The following STARD3 variants were observed in gnomAD, a reference collection of about 807,000 sequenced individuals.
STARD3 encodes StAR related lipid transfer domain containing 3.
STARD3 carries 39 observed loss-of-function variants against 62.0 expected under a neutral mutation model. The observed-to-expected ratio is 0.63, with a 90% CI of 0.49 to 0.82. The LOEUF is 0.82. Among genes scored for constraint, STARD3 ranks in the 40% least tolerant of loss-of-function variants. STARD3 has a pLI of 0.00. For missense variants in STARD3, 543 were observed against 584.5 expected (o/e 0.93, Z 0.73); for synonymous variants, 229 against 242.4 (o/e 0.94, Z 0.51).
Position 39,657,208 on chromosome 17 carries a change from C to A in STARD3, c.297+123C>A, listed in dbSNP as rs959439949. On this transcript the variant is annotated intron_variant, in intron 3 of 14. Coordinates refer to ENST00000336308, the MANE Select transcript of STARD3 (RefSeq NM_006804.4). ...GATCAGAGACTCGGCTCCCATCCTT[C>A]GGGAGCCATCAGTCATTAAAACCTT... The A allele has an allele frequency of 1.3e-5, 12 of 935,930 alleles. No homozygotes were observed. In the Admixed American group the frequency reaches 1.5e-4, roughly 11 times the overall value. The allele number at this position is 935,930 out of a possible 1,614,324, so 58.0% of individuals were successfully genotyped here. A position where few individuals can be genotyped will look rare whatever the true frequency, so the allele number is the denominator to read the frequency against.
In STARD3 at chr17:39,658,472, C is replaced by A. The variant is rs1313410093; in HGVS notation, c.497C>A (p.Thr166Asn). Residue 166 changes from threonine (T) to asparagine (N), a missense_variant, in exon 6 of 15, where the codon ACC (threonine) becomes AAC (asparagine). Coordinates refer to ENST00000336308, the MANE Select transcript of STARD3 (RefSeq NM_006804.4). ...IVSFVLAWLE[T>N]WFLDFKVLPQ... Reference sequence around the variant, plus strand: ...TCTTTTGTCCTCGCCTGGTTGGAGACCTGGTTCCTTGACTTCAAAGTCCTA... The same window carrying A: ...TCTTTTGTCCTCGCCTGGTTGGAGAACTGGTTCCTTGACTTCAAAGTCCTA... The A allele has an allele frequency of 1.9e-6, 3 of 1,614,022 alleles. No homozygotes were observed. The highest frequency in any genetic ancestry group is 2.5e-6 in the Non-Finnish European group (3 of 1,180,020).
At chr17:39,647,154 G>A (rs1232051550) in intron 1 of STARD3, among the ~76,000 whole-genome samples, 2 of 151,580 alleles carry the variant, frequency 1.3e-5, no homozygotes, top group Non-Finnish European at 2.9e-5. Context: ...AGCCGAGATC[G>A]TGCCACTGCA....
At chr17:39,645,198 C>A (rs1388333399) in intron 1 of STARD3, among the ~76,000 whole-genome samples, 1 of 152,158 alleles carries the variant, frequency 6.6e-6, no homozygotes, top group Non-Finnish European at 1.5e-5. Context: ...CCTGCACTCC[C>A]CTAAGAGCCT....
intron 1 of STARD3, among the ~76,000 whole-genome samples, chr17:39,649,779 T>C (rs189614820): frequency 6.1e-5 from 9 of 147,302 alleles, no homozygotes; most frequent in South Asian, 2.1e-4. Context: ...GGCAGGAGAA[T>C]CGCTTGAACC....
chr17:39,660,448 T>G lies in STARD3; in HGVS notation c.876T>G (p.Pro292=). The change falls in exon 11 of 15, where the codon CCT becomes CCG. Residue 292 remains proline, a synonymous_variant. Coordinates refer to ENST00000336308, the MANE Select transcript of STARD3 (RefSeq NM_006804.4). The surrounding 1 kb of genome is among the most constrained non-coding windows in gnomAD (Gnocchi z 4.8). ...TGTCCCAGACCTTCCTGCCCTGTCC[T>G]GCGGAGCTCGTGTACCAGGAGGTGA... The part of the protein sequence containing the change: ...TFILKTFLPC[P]AELVYQEVIL... The G allele has an allele frequency of 6.2e-7, 1 of 1,613,884 alleles. No homozygotes were observed. Among genetic ancestry groups the G allele is most frequent in the South Asian group, 1.1e-5 (1 of 91,084 alleles).
At position 39,663,299 on chromosome 17, in the gene STARD3, C is replaced by T. The variant is rs976466793; in HGVS notation, c.*391C>T. ...TGAAGGGGCTCTTCATCTGCCTGCG[C>T]TCTCGTCGGTTTTTTTAGGATTATT... On this transcript the variant is annotated 3_prime_UTR_variant, in exon 15 of 15. Transcript: ENST00000336308. 1 of 390,174 alleles carries T rather than the reference C, an allele frequency of 2.6e-6. No individual in the cohort carries two copies. 24.2% of individuals were successfully genotyped at this position (390,174 alleles called of 1,614,324 possible).
chr17:39,659,454 C>G lies in STARD3; in HGVS notation c.703-7C>G. On this transcript the variant is annotated splice_region_variant and splice_polypyrimidine_tract_variant and intron_variant, in intron 8 of 14. Coordinates refer to ENST00000336308, the MANE Select transcript of STARD3 (RefSeq NM_006804.4). ...CTGACCCCTCCCTGCCTCCTGCTTC[C>G]GTCCAGGAGCGGGAGTACATCCGCC... 2.5e-6 allele frequency: 4 copies of G among 1,613,726 alleles called. No individual in the cohort carries two copies. In the Admixed American group the frequency reaches 5.0e-5, roughly 20 times the overall value.
chr17:39,644,666 T>A (rs2057008715), intron 1 of STARD3, among the ~76,000 whole-genome samples: 1 of 92,534 alleles, frequency 1.1e-5, no homozygotes. Context: ...TGAGACCCTG[T>A]CTCTACAAAA....
chr17:39,658,049 A>G, intron 5 of STARD3, 23 bp downstream of exon 5: 1 of 1,553,304 alleles, frequency 6.4e-7, no homozygotes, highest in Middle Eastern at 1.7e-4. Flanking sequence ...GGGTCTGGCC[A>G]GTCTGGTGGG....
At chr17:39,643,743 G>A (rs545764414) in intron 1 of STARD3, among the ~76,000 whole-genome samples, 4 of 152,320 alleles carry the variant, frequency 2.6e-5, no homozygotes, top group South Asian at 2.1e-4. Flanking sequence ...AAGCCATCTC[G>A]CCAGTCAGTC....
intron 1 of STARD3, chr17:39,652,558 G>T (rs2057088033): frequency 1.3e-5 from 2 of 152,276 alleles, no homozygotes; most frequent in Non-Finnish European, 2.9e-5. Flanking sequence ...TGAGCTGCCT[G>T]TTGAAGGGTC....
chr17:39,647,209 A>C, intron 1 of STARD3, among the ~76,000 whole-genome samples: 1 of 146,748 alleles, frequency 6.8e-6, no homozygotes, highest in Middle Eastern at 3.4e-3. Flanking sequence ...AAAAAGTTAA[A>C]AAAAAAAAAA....
rs750854556 is a variant in STARD3, at chr17:39,660,912, C to T, written c.1034+23C>T. The T allele has an allele frequency of 1.9e-6, 3 of 1,606,508 alleles. No individual in the cohort carries two copies. Among genetic ancestry groups the T allele is most frequent in the African/African-American group, 1.3e-5 (1 of 74,796 alleles). On this transcript the variant is annotated intron_variant, in intron 12 of 14. Coordinates refer to ENST00000336308, the MANE Select transcript of STARD3 (RefSeq NM_006804.4). This position sits in a 1 kb window ranked among gnomAD's most constrained non-coding sequence, Gnocchi z 4.8. Reference sequence around the variant, plus strand: ...AAGGTGAGTCCATGCCGGGCCCCCTCCTTTCAGCCAGGTCTTCTGCACTTT... The same window carrying T: ...AAGGTGAGTCCATGCCGGGCCCCCTTCTTTCAGCCAGGTCTTCTGCACTTT...
intron 1 of STARD3, among the ~76,000 whole-genome samples, chr17:39,641,266 G>A (rs1216029584): frequency 6.6e-6 from 1 of 152,148 alleles, no homozygotes; most frequent in African/African-American, 2.4e-5. Flanking sequence ...GCTGTGACTT[G>A]GACCTCAAGG....
In STARD3 at chr17:39,647,740, G is replaced by A. The variant is rs537349965; in HGVS notation, c.-51-5741G>A. 2.6e-5 allele frequency among the ~76,000 whole-genome samples: 4 copies of A among 152,352 alleles called. 1 individual carries two copies. The South Asian group carries it at 8.3e-4, about 32-fold the overall frequency. Reference sequence around the variant, plus strand: ...CTGGAGTTTGAGGAAAGGCTGACAGGTGGGATTCAGTAGCTGCTTTTACCC... The same window carrying A: ...CTGGAGTTTGAGGAAAGGCTGACAGATGGGATTCAGTAGCTGCTTTTACCC... On this transcript the variant is annotated intron_variant, in intron 1 of 14. Transcript: ENST00000336308.
At chr17:39,638,389 C>T (rs556583689) in intron 1 of STARD3, among the ~76,000 whole-genome samples, 1 of 152,208 alleles carries the variant, frequency 6.6e-6, no homozygotes, top group African/African-American at 2.4e-5. Context: ...TTACACAGCT[C>T]TCTGTGATCT....
intron 1 of STARD3, among the ~76,000 whole-genome samples, chr17:39,644,567 C>G (rs954990113): frequency 4.0e-5 from 6 of 149,942 alleles, no homozygotes; most frequent in African/African-American, 1.5e-4. Flanking sequence ...GTATAAAAGC[C>G]TAAGTGTGGT....
At chr17:39,649,750 AGGCTACTT>A (rs922944558) in intron 1 of STARD3, among the ~76,000 whole-genome samples, 16 of 151,412 alleles carry the variant, frequency 1.1e-4, no homozygotes, top group Non-Finnish European at 2.4e-4. Context: ...CCTGTAATCC[AGGCTACTT>A]GGGAGGCTGA....
At chr17:39,661,981 G>C (rs977580636) in intron 13 of STARD3, among the ~76,000 whole-genome samples, 1 of 152,208 alleles carries the variant, frequency 6.6e-6, no homozygotes, top group Non-Finnish European at 1.5e-5. Flanking sequence ...GGCTGGGAAG[G>C]TGGTGAGCTC....
Sources: gnomAD v4.1 joint callset for allele counts (sites outside exome capture counted in the v4.1 genomes callset) on GRCh38, gnomAD v4.1.1 for gene constraint, Gnocchi (gnomAD v3.1) non-coding constraint, MANE v1.5 for transcripts, NCBI Gene and HGNC (gene_info 2026-07-23, HGNC 2026-07-21) for gene names.